PCDHA5: variants seen among roughly 807,000 people sequenced by gnomAD.
The protein encoded by PCDHA5 is protocadherin alpha-5.
In PCDHA5, 43 loss-of-function variants were observed where a neutral mutation model predicts 61.6. The ratio of observed to expected loss-of-function variants is 0.70; its 90% CI spans 0.55 to 0.90. PCDHA5 has a LOEUF of 0.90. Ranked by LOEUF, PCDHA5 falls within the 40% of genes least tolerant of loss-of-function variation. The probability of loss-of-function intolerance (pLI) is 0.00; values close to 1 mark genes in which losing one functional copy is unlikely to be tolerated. For missense variants in PCDHA5, 1,298 were observed against 1,222.7 expected, an observed-to-expected ratio of 1.06 and a Z score of -0.92; for synonymous variants, 627 against 543.9, an observed-to-expected ratio of 1.15 and a Z score of -2.13.
intron 3 of PCDHA5, among the ~76,000 whole-genome samples, chr5:141,008,087 A>G (rs1033572346): frequency 7.2e-5 from 11 of 152,172 alleles, no homozygotes; most frequent in African/African-American, 2.7e-4. Flanking sequence ...GTTATTCTAC[A>G]TGACAAAGAA....
chr5:140,850,431 C>T (rs2150484020), intron 1 of PCDHA5: 3 of 1,597,912 alleles, frequency 1.9e-6, no homozygotes, highest in Non-Finnish European at 1.7e-6. Flanking sequence ...ACCGCGCCAG[C>T]GCCTACTGGT....
chr5:140,849,915 A>T (rs1554143492), intron 1 of PCDHA5: 3 of 1,598,260 alleles, frequency 1.9e-6, no homozygotes, highest in Non-Finnish European at 8.6e-7. Context: ...GGGCTGCCAC[A>T]TCTTCACGGT....
At chr5:140,897,412 C>T (rs1304528785) in intron 1 of PCDHA5, among the ~76,000 whole-genome samples, 1 of 143,354 alleles carries the variant, frequency 7.0e-6, no homozygotes, top group Non-Finnish European at 1.5e-5. Context: ...TTGTTCAATT[C>T]CCATCTATGA....
At chr5:140,984,405 C>T (rs782109046) in intron 3 of PCDHA5, among the ~76,000 whole-genome samples, 1 of 152,114 alleles carries the variant, frequency 6.6e-6, no homozygotes, top group Non-Finnish European at 1.5e-5. Context: ...GAGAACCTAT[C>T]TTTTTTACAG....
In PCDHA5 at chr5:140,822,662, C is replaced by A; in HGVS notation, c.887C>A (p.Ser296Tyr). Reference protein sequence around the residue: ...DDVKSKFIINSNTGEIKVNGE... With the variant: ...DDVKSKFIINYNTGEIKVNGE... Reference sequence around the variant, plus strand: ...GTAAAGTCCAAATTTATAATTAATTCTAATACTGGTGAAATAAAAGTTAAC... The same window carrying A: ...GTAAAGTCCAAATTTATAATTAATTATAATACTGGTGAAATAAAAGTTAAC... The change falls in exon 1 of 4, where the codon TCT becomes TAT. Residue 296 changes from serine to tyrosine, a missense_variant. Ser to Tyr is a moderately radical substitution (Grantham distance 144). Coordinates refer to ENST00000529859, the MANE Select transcript of PCDHA5 (RefSeq NM_018908.3). The A allele has an allele frequency of 6.2e-7, 1 of 1,608,488 alleles. No homozygotes were observed. The highest frequency in any genetic ancestry group is 8.5e-7 in the Non-Finnish European group (1 of 1,175,780).
intron 1 of PCDHA5, among the ~76,000 whole-genome samples, chr5:140,974,980 G>C (rs149148015): frequency 6.6e-6 from 1 of 152,090 alleles, no homozygotes; most frequent in African/African-American, 2.4e-5. Flanking sequence ...TGAGTTGTCC[G>C]CTCAGGTATT....
chr5:140,973,923 C>T (rs1157032594), intron 1 of PCDHA5, among the ~76,000 whole-genome samples: 1 of 152,170 alleles, frequency 6.6e-6, no homozygotes, highest in African/African-American at 2.4e-5. Flanking sequence ...TCACCAAACC[C>T]AGAGGTTTAG....
At chr5:140,968,124 G>T (rs202202452) in intron 1 of PCDHA5, 1 of 1,614,126 alleles carries the variant, frequency 6.2e-7, no homozygotes, top group Non-Finnish European at 8.5e-7. Flanking sequence ...ACATCCCTGC[G>T]TACACTGAAG....
chr5:140,928,372 G>T (rs782494631), intron 1 of PCDHA5: 5 of 1,614,136 alleles, frequency 3.1e-6, no homozygotes, highest in Non-Finnish European at 4.2e-6. Flanking sequence ...AGGGCCATCA[G>T]CCTCTAGCTT....
chr5:140,977,610 A>G (rs1056611698), intron 1 of PCDHA5, among the ~76,000 whole-genome samples: 1 of 152,196 alleles, frequency 6.6e-6, no homozygotes, highest in Non-Finnish European at 1.5e-5. Context: ...CCATTGAGGT[A>G]AAGTATCCCA....
intron 1 of PCDHA5, among the ~76,000 whole-genome samples, chr5:140,944,007 C>T (rs1181625750): frequency 1.3e-5 from 2 of 152,046 alleles, no homozygotes; most frequent in Non-Finnish European, 2.9e-5. Flanking sequence ...TGAGTACCCC[C>T]CAAAAGCAAT....
chr5:140,966,658 G>A (rs887585622), intron 1 of PCDHA5: 5 of 1,212,426 alleles, frequency 4.1e-6, no homozygotes, highest in Admixed American at 3.9e-5. Flanking sequence ...GAGCGGTGGG[G>A]GAGCAGGCGC....
At position 140,926,615 on chromosome 5, in the gene PCDHA5, C is replaced by G. The variant is rs540135252; in HGVS notation, c.2353-52334C>G. On this transcript the variant is annotated intron_variant, in intron 1 of 3. Coordinates refer to ENST00000529859, the MANE Select transcript of PCDHA5 (RefSeq NM_018908.3). ...GGCGGGCGGCCTCGTCTCTGCACCC[C>G]TAGGCGGCGCTGCGCTCCTCAACAC... 1,855 of 379,286 alleles carry G rather than the reference C, an allele frequency of 4.9e-3. 8 individuals are homozygous for G. Among genetic ancestry groups the G allele is most frequent in the African/African-American group, 0.019 (896 of 47,466 alleles). The allele number at this position is 379,286 out of a possible 1,614,324, so 23.5% of individuals were successfully genotyped here. A position where few individuals can be genotyped will look rare whatever the true frequency, so the allele number is the denominator to read the frequency against.
At chr5:140,928,690 A>G in intron 1 of PCDHA5, 3 of 1,614,180 alleles carry the variant, frequency 1.9e-6, no homozygotes, top group Non-Finnish European at 2.5e-6. Flanking sequence ...TTCCTACCAC[A>G]TCTCCCGGGC....
intron 1 of PCDHA5, chr5:140,856,033 A>T: frequency 1.3e-6 from 2 of 1,564,122 alleles, no homozygotes; most frequent in Non-Finnish European, 1.7e-6. Flanking sequence ...GATTTGTAAA[A>T]CAAGAGAAGG....
chr5:140,941,564 C>T (rs1352264408), intron 1 of PCDHA5, among the ~76,000 whole-genome samples: 2 of 151,992 alleles, frequency 1.3e-5, no homozygotes, highest in Non-Finnish European at 2.9e-5. Flanking sequence ...ATCCATTCGC[C>T]TCAGCCTCCC....
intron 1 of PCDHA5, chr5:140,882,118 T>G: frequency 1.4e-6 from 2 of 1,431,994 alleles, no homozygotes; most frequent in Non-Finnish European, 9.4e-7. Context: ...AAGCCGCCGT[T>G]TCTTTCTTCC....
chr5:140,999,687 A>G (rs1554256930), intron 3 of PCDHA5, among the ~76,000 whole-genome samples: 2 of 152,044 alleles, frequency 1.3e-5, no homozygotes, highest in Non-Finnish European at 2.9e-5. Flanking sequence ...AGAAAGAAGA[A>G]ATGTGATTTT....
intron 1 of PCDHA5, chr5:140,884,763 CT>C (rs1206964755): frequency 1.9e-5 from 27 of 1,421,678 alleles, no homozygotes; most frequent in Non-Finnish European, 2.4e-5. Context: ...TTATTCTTTA[CT>C]TTAATTTTAA....
Sources: gnomAD v4.1 joint callset for allele counts (sites outside exome capture counted in the v4.1 genomes callset) on GRCh38, gnomAD v4.1.1 for gene constraint, MANE v1.5 for transcripts, NCBI Gene and HGNC (gene_info 2026-07-23, HGNC 2026-07-21) for gene names.